Variants in MAGI2 observed in about 807,000 individuals in gnomAD.
The protein encoded by MAGI2 is membrane-associated guanylate kinase, WW and PDZ domain-containing protein 2.
Under a neutral mutation model 133.3 loss-of-function variants are expected in MAGI2, and 35 were observed. The ratio of observed to expected loss-of-function variants is 0.26; its 90% confidence interval spans 0.20 to 0.35. The LOEUF (loss-of-function observed/expected upper bound fraction) is 0.35, where lower values mean the gene tolerates loss of function less well. MAGI2 is among the 10% of genes least tolerant of loss of function. The pLI is 1.00. For synonymous variants in MAGI2, 729 were observed against 710.6 expected (o/e 1.03, Z -0.41); for missense variants, 1,636 against 1,863.4 (o/e 0.88, Z 2.25).
At chr7:78,855,756 T>C (rs1430362141) in intron 2 of MAGI2, among the ~76,000 whole-genome samples, 1 of 152,228 alleles carries the variant, frequency 6.6e-6, no homozygotes. Flanking sequence ...TTATAATCCT[T>C]TGGGTATACG....
chr7:78,525,739 A>G (rs2150600594), intron 3 of MAGI2, among the ~76,000 whole-genome samples: 1 of 152,338 alleles, frequency 6.6e-6, no homozygotes, highest in East Asian at 1.9e-4. Context: ...TCCTTAAATC[A>G]ATTCAGTTAA....
intron 3 of MAGI2, among the ~76,000 whole-genome samples, chr7:78,602,521 C>G (rs543331491): frequency 6.6e-6 from 1 of 151,830 alleles, no homozygotes; most frequent in South Asian, 2.1e-4. Context: ...GAAGCCAATT[C>G]CTTGAGAATA....
intron 21 of MAGI2, among the ~76,000 whole-genome samples, chr7:78,056,546 C>T (rs1395964235): frequency 1.3e-5 from 2 of 152,136 alleles, no homozygotes; most frequent in Admixed American, 6.5e-5. Context: ...GAGCCATTAT[C>T]CTCAGCAAAC....
intron 4 of MAGI2, among the ~76,000 whole-genome samples, chr7:78,511,904 G>C (rs906507415): frequency 4.0e-5 from 6 of 151,224 alleles, no homozygotes; most frequent in African/African-American, 1.5e-4. Context: ...GACCAGACTG[G>C]CTAACACGGT....
intron 2 of MAGI2, among the ~76,000 whole-genome samples, chr7:78,783,764 T>G (rs1294242541): frequency 6.6e-6 from 1 of 152,202 alleles, no homozygotes; most frequent in Non-Finnish European, 1.5e-5. Context: ...ACAGCAGTGC[T>G]GTACTGACGA....
Position 78,529,002 on chromosome 7 carries a change from T to C in MAGI2, c.539-7357A>G, listed in dbSNP as rs909789320. Among the ~76,000 whole-genome samples, 5 of 152,020 alleles carry C rather than the reference T, an allele frequency of 3.3e-5. No homozygotes were observed. The East Asian group carries it at 9.6e-4, about 29-fold the overall frequency. Reference sequence around the variant, plus strand: ...GAATGTTTGTTTTTTTTTTCATACATGGAATTGAATTATTCTTAACAAACC... The same window carrying C: ...GAATGTTTGTTTTTTTTTTCATACACGGAATTGAATTATTCTTAACAAACC... On this transcript the variant is annotated intron_variant, in intron 3 of 21. Transcript: ENST00000354212.
chr7:78,569,421 A>T (rs1045773494), intron 3 of MAGI2, among the ~76,000 whole-genome samples: 3 of 152,304 alleles, frequency 2.0e-5, no homozygotes, highest in Admixed American at 6.5e-5. Flanking sequence ...ACACACAGAC[A>T]CGCTAAACAC....
At chr7:78,073,306 G>A (rs548162451) in intron 21 of MAGI2, among the ~76,000 whole-genome samples, 2 of 145,226 alleles carry the variant, frequency 1.4e-5, no homozygotes, top group Non-Finnish European at 3.0e-5. Flanking sequence ...TTCACTGATT[G>A]GCTGTTTCTC....
At chr7:78,961,610 T>C (rs1157583548) in intron 2 of MAGI2, among the ~76,000 whole-genome samples, 1 of 152,134 alleles carries the variant, frequency 6.6e-6, no homozygotes, top group Non-Finnish European at 1.5e-5. Flanking sequence ...ATAACTGACT[T>C]GTACTGTAAT....
chr7:78,710,234 T>C (rs1819046443), intron 2 of MAGI2, among the ~76,000 whole-genome samples: 1 of 130,970 alleles, frequency 7.6e-6, no homozygotes, highest in Non-Finnish European at 1.8e-5. Context: ...GATAAGTTAG[T>C]ACCTAGTCCA....
chr7:78,090,975 G>A (rs1423501480), intron 20 of MAGI2, among the ~76,000 whole-genome samples: 2 of 152,114 alleles, frequency 1.3e-5, no homozygotes, highest in Non-Finnish European at 2.9e-5. Context: ...CAGCTTGAGA[G>A]CAGAGATTTG....
chr7:79,377,087 G>A (rs1187579825), intron 1 of MAGI2, among the ~76,000 whole-genome samples: 5 of 151,688 alleles, frequency 3.3e-5, no homozygotes, highest in African/African-American at 1.2e-4. Flanking sequence ...TATTTTTTGT[G>A]TTTTACATTT....
At chr7:78,491,086 T>C (rs1429391500) in intron 5 of MAGI2, among the ~76,000 whole-genome samples, 1 of 152,130 alleles carries the variant, frequency 6.6e-6, no homozygotes, top group Non-Finnish European at 1.5e-5. Context: ...TTTAACTATA[T>C]GTTGCCAATC....
At chr7:79,348,091 A>T (rs1471713775) in intron 1 of MAGI2, among the ~76,000 whole-genome samples, 4 of 151,970 alleles carry the variant, frequency 2.6e-5, no homozygotes, top group Non-Finnish European at 4.4e-5. Flanking sequence ...ATAAATACAC[A>T]TATAAGATCC....
intron 1 of MAGI2, among the ~76,000 whole-genome samples, chr7:79,017,945 C>G (rs1359538072): frequency 6.6e-6 from 1 of 151,848 alleles, no homozygotes; most frequent in East Asian, 1.9e-4. Context: ...GGAAAGAGAC[C>G]CAGTCTATGA....
chr7:78,645,979 G>A (rs1810847233), intron 2 of MAGI2, among the ~76,000 whole-genome samples: 1 of 152,056 alleles, frequency 6.6e-6, no homozygotes, highest in African/African-American at 2.4e-5. Flanking sequence ...CCTCAAGTGA[G>A]TTGCCCGCCT....
intron 2 of MAGI2, among the ~76,000 whole-genome samples, chr7:78,995,861 C>T (rs541806938): frequency 1.3e-5 from 2 of 152,288 alleles, no homozygotes; most frequent in South Asian, 2.1e-4. Flanking sequence ...GATACACTCC[C>T]TCTTTCTCTG....
chr7:78,612,126 A>T (rs889014508), intron 3 of MAGI2, among the ~76,000 whole-genome samples: 1 of 152,210 alleles, frequency 6.6e-6, no homozygotes, highest in Non-Finnish European at 1.5e-5. Context: ...CTATTAGGAC[A>T]CAATTTTTTT....
chr7:78,813,918 T>C (rs1372200286), intron 2 of MAGI2, among the ~76,000 whole-genome samples: 4 of 152,118 alleles, frequency 2.6e-5, no homozygotes, highest in Non-Finnish European at 5.9e-5. Flanking sequence ...CAAGATACTT[T>C]ATAGTGAAAA....
Sources: allele counts gnomAD v4.1 joint callset (sites outside exome capture counted in the v4.1 genomes callset), GRCh38; gene constraint gnomAD v4.1.1; transcripts MANE v1.5; gene names NCBI Gene and HGNC (gene_info 2026-07-23, HGNC 2026-07-21).